Variants in FOCAD observed in about 807,000 individuals in gnomAD.
FOCAD encodes focadhesin, also known as KIAA1797.
In FOCAD, 198 loss-of-function variants were observed where a neutral mutation model predicts 225.6. The ratio of observed to expected loss-of-function variants is 0.88; its 90% CI spans 0.78 to 0.99. FOCAD has a LOEUF of 0.99. FOCAD is among the 50% of genes least tolerant of loss of function. The pLI is 0.00. For missense variants in FOCAD, 2,713 were observed against 2,123.6 expected (o/e 1.28, Z -5.46); for synonymous variants, 897 against 755.0 (o/e 1.19, Z -3.08).
At chr9:20,784,554 G>GTAA (rs1207106624) in intron 10 of FOCAD, among the ~76,000 whole-genome samples, 2 of 152,134 alleles carry the variant, frequency 1.3e-5, no homozygotes, top group African/African-American at 4.8e-5. Context: ...CTAAATTCTT[G>GTAA]TAATTGTACA....
chr9:20,993,185 G>C (rs1841810795), intron 42 of FOCAD, 68 bp from the exon 43 acceptor site: 1 of 1,318,372 alleles, frequency 7.6e-7, no homozygotes, highest in Non-Finnish European at 1.1e-6. Flanking sequence ...ATAGGTCCAA[G>C]GGAATAACTG....
At chr9:20,661,420 A>G (rs1037167069) in intron 2 of FOCAD, among the ~76,000 whole-genome samples, 9 of 152,194 alleles carry the variant, frequency 5.9e-5, no homozygotes, top group African/African-American at 2.2e-4. Context: ...GCTGTGATAG[A>G]AAAACCTGAC....
chr9:20,982,556 G>T, intron 39 of FOCAD, 110 bp downstream of exon 39: 1 of 797,676 alleles, frequency 1.3e-6, no homozygotes, highest in South Asian at 1.5e-5. Flanking sequence ...TTTGTTATTG[G>T]TTAATTTCAG....
At chr9:20,903,934 T>TC (rs1832748836) in intron 21 of FOCAD, among the ~76,000 whole-genome samples, 1 of 151,774 alleles carries the variant, frequency 6.6e-6, no homozygotes, top group Admixed American at 6.6e-5. Context: ...CCTTCCCCTC[T>TC]CCCCCGGCAG....
intron 6 of FOCAD, among the ~76,000 whole-genome samples, chr9:20,760,453 G>T (rs755877451): frequency 2.0e-5 from 3 of 152,088 alleles, no homozygotes; most frequent in South Asian, 2.1e-4. Flanking sequence ...TCTTCATCTC[G>T]CAGTTTATGC....
intron 5 of FOCAD, among the ~76,000 whole-genome samples, chr9:20,754,647 A>G (rs998387381): frequency 4.6e-5 from 7 of 152,138 alleles, no homozygotes; most frequent in Admixed American, 6.6e-5. Context: ...ATTCTTGACC[A>G]GGAGCAATTT....
intron 28 of FOCAD, among the ~76,000 whole-genome samples, chr9:20,939,075 G>A (rs190121722): frequency 0.029 from 4,156 of 144,918 alleles, 66 homozygotes; most frequent in Middle Eastern, 0.052. Context: ...GTGTGAACCC[G>A]GGAGGCGGAG....
chr9:20,738,362 TCA>T (rs1440953016), intron 4 of FOCAD, among the ~76,000 whole-genome samples: 1 of 152,226 alleles, frequency 6.6e-6, no homozygotes, highest in Non-Finnish European at 1.5e-5. Context: ...ACAGTGAGAT[TCA>T]CTGGCCATTT....
At chr9:20,715,245 A>G (rs1006576844) in intron 1 of FOCAD, 77 bp from the exon 2 acceptor site, 16 of 561,182 alleles carry the variant, frequency 2.9e-5, no homozygotes, top group Non-Finnish European at 4.4e-5. Context: ...CATTCACATT[A>G]TTTGAGGAAT....
Position 20,923,720 on chromosome 9 carries a change from A to G in FOCAD, c.2913A>G (p.Val971=), listed in dbSNP as rs1834675422. 3.1e-6 allele frequency: 5 copies of G among 1,614,064 alleles called. No homozygotes were observed. The highest frequency in any genetic ancestry group is 4.2e-6 in the Non-Finnish European group (5 of 1,179,974). ...LLALSSLAVV[V]SRHEASLSSD... ...CTCTAAGCAGCCTTGCTGTCGTCGTATCTAGACATGAAGCCAGCCTCTCCT... is the reference window on the plus strand; with the variant it reads ...CTCTAAGCAGCCTTGCTGTCGTCGTGTCTAGACATGAAGCCAGCCTCTCCT... Residue 971 remains valine (V), a synonymous_variant, in exon 25 of 44, where the codon GTA becomes GTG. Coordinates refer to ENST00000338382, the MANE Select transcript of FOCAD (RefSeq NM_001375567.1).
intron 15 of FOCAD, among the ~76,000 whole-genome samples, chr9:20,844,781 T>C (rs1230249005): frequency 6.6e-6 from 1 of 152,068 alleles, no homozygotes; most frequent in East Asian, 1.9e-4. Context: ...TCAGTAAAAT[T>C]AGTATTATTA....
At chr9:20,793,602 G>A (rs962477563) in intron 11 of FOCAD, among the ~76,000 whole-genome samples, 9 of 152,156 alleles carry the variant, frequency 5.9e-5, no homozygotes, top group Non-Finnish European at 1.3e-4. Context: ...GTTTGTCTGG[G>A]TGTGTCATTG....
intron 11 of FOCAD, among the ~76,000 whole-genome samples, chr9:20,795,550 C>A (rs113193203): frequency 0.018 from 2,701 of 151,592 alleles, 78 homozygotes; most frequent in African/African-American, 0.062. Flanking sequence ...CTTTGGGAGG[C>A]CGAGGTGGGC....
At chr9:20,840,606 T>A (rs1356161836) in intron 15 of FOCAD, among the ~76,000 whole-genome samples, 1 of 151,650 alleles carries the variant, frequency 6.6e-6, no homozygotes, top group Non-Finnish European at 1.5e-5. Flanking sequence ...GTTTTTTTTT[T>A]TAATTCTTTA....
intron 1 of FOCAD, among the ~76,000 whole-genome samples, chr9:20,692,347 T>C (rs1287701279): frequency 1.3e-5 from 2 of 152,184 alleles, no homozygotes; most frequent in African/African-American, 2.4e-5. Flanking sequence ...TTGGAAAGTG[T>C]GTTGGCTATA....
intron 15 of FOCAD, among the ~76,000 whole-genome samples, chr9:20,845,937 TGAAA>T (rs1827060662): frequency 2.0e-5 from 3 of 152,268 alleles, no homozygotes; most frequent in African/African-American, 7.2e-5. Context: ...TATGATGCAT[TGAAA>T]TAAATGTGAA....
intron 2 of FOCAD, among the ~76,000 whole-genome samples, chr9:20,677,324 G>T (rs980324080): frequency 1.3e-5 from 2 of 152,102 alleles, no homozygotes; most frequent in East Asian, 1.9e-4. Flanking sequence ...ATGATTTTTT[G>T]AATATGACCC....
At chr9:20,985,600 A>G (rs929024930) in intron 39 of FOCAD, among the ~76,000 whole-genome samples, 12 of 152,162 alleles carry the variant, frequency 7.9e-5, no homozygotes, top group Non-Finnish European at 1.5e-4. Context: ...AAGAGTGGCT[A>G]TTTCACAGCC....
At chr9:20,978,560 G>A (rs893164449) in intron 37 of FOCAD, 106 bp downstream of exon 37, 5 of 692,690 alleles carry the variant, frequency 7.2e-6, no homozygotes, top group Admixed American at 3.5e-5. Context: ...AGACAGATGA[G>A]ATCTTCACAA....
Sources: gnomAD v4.1 joint callset for allele counts (sites outside exome capture counted in the v4.1 genomes callset) on GRCh38, gnomAD v4.1.1 for gene constraint, MANE v1.5 for transcripts, NCBI Gene and HGNC (gene_info 2026-07-23, HGNC 2026-07-21) for gene names.